SLC9A9: variants seen among roughly 807,000 people sequenced by gnomAD.
The protein encoded by SLC9A9 is sodium/hydrogen exchanger 9.
A neutral mutation model predicts 77.8 loss-of-function variants in SLC9A9; 62 were observed. That is an observed-to-expected ratio of 0.80 (90% CI 0.65 to 0.98). The LOEUF (loss-of-function observed/expected upper bound fraction) is 0.98, where lower values mean the gene tolerates loss of function less well. Among genes scored for constraint, SLC9A9 ranks in the 50% least tolerant of loss-of-function variants. The pLI is 0.00. For synonymous variants in SLC9A9, 320 were observed against 283.5 expected (o/e 1.13, Z -1.29); for missense variants, 775 against 774.9 (o/e 1.00, Z 0.00).
intron 14 of SLC9A9, among the ~76,000 whole-genome samples, chr3:143,278,161 A>G (rs571358560): frequency 6.6e-6 from 1 of 152,274 alleles, no homozygotes; most frequent in East Asian, 1.9e-4. Flanking sequence ...AAAGATAGGA[A>G]CCATTATGTC....
chr3:143,504,685 G>A (rs560484212), intron 9 of SLC9A9, among the ~76,000 whole-genome samples: 111 of 152,172 alleles, frequency 7.3e-4, no homozygotes, highest in African/African-American at 2.4e-3. Flanking sequence ...GACCTAAATT[G>A]TACTAAGAAA....
intron 6 of SLC9A9, among the ~76,000 whole-genome samples, chr3:143,589,511 A>C (rs1363974742): frequency 3.9e-5 from 6 of 152,208 alleles, no homozygotes; most frequent in Admixed American, 3.9e-4. Flanking sequence ...CTACAATATT[A>C]GTATAATAAC....
intron 14 of SLC9A9, among the ~76,000 whole-genome samples, chr3:143,275,350 G>A (rs543433088): frequency 6.6e-6 from 1 of 152,200 alleles, no homozygotes; most frequent in African/African-American, 2.4e-5. Flanking sequence ...CTTATCTAAT[G>A]TCGGTTGTTC....
At chr3:143,752,794 G>A (rs914432230) in intron 4 of SLC9A9, among the ~76,000 whole-genome samples, 4 of 152,026 alleles carry the variant, frequency 2.6e-5, no homozygotes, top group African/African-American at 7.3e-5. Context: ...ATAAAAATGG[G>A]AGATAAGCTT....
intron 12 of SLC9A9, among the ~76,000 whole-genome samples, chr3:143,432,053 T>C (rs2034527564): frequency 6.6e-6 from 1 of 152,156 alleles, no homozygotes; most frequent in Admixed American, 6.5e-5. Context: ...CTTCCTCTGC[T>C]CAATTTTTTT....
intron 14 of SLC9A9, among the ~76,000 whole-genome samples, chr3:143,317,932 T>C (rs1375392815): frequency 2.0e-5 from 3 of 152,148 alleles, no homozygotes; most frequent in Non-Finnish European, 4.4e-5. Flanking sequence ...TTTCACCGTG[T>C]TAGCCAGGAT....
At chr3:143,380,606 T>C (rs1364760713) in intron 13 of SLC9A9, among the ~76,000 whole-genome samples, 1 of 152,202 alleles carries the variant, frequency 6.6e-6, no homozygotes, top group Non-Finnish European at 1.5e-5. Context: ...CTTTCTAAGG[T>C]CACCAGGCTG....
intron 12 of SLC9A9, among the ~76,000 whole-genome samples, chr3:143,390,917 T>C (rs906703127): frequency 6.6e-6 from 1 of 152,210 alleles, no homozygotes; most frequent in Non-Finnish European, 1.5e-5. Flanking sequence ...GTGCCCACCA[T>C]TGCTGAGGCT....
chr3:143,734,421 C>A (rs1046809571), intron 4 of SLC9A9, among the ~76,000 whole-genome samples: 1 of 151,970 alleles, frequency 6.6e-6, no homozygotes, highest in African/African-American at 2.4e-5. Context: ...TTTTAAAAAT[C>A]TGGGTGGGGA....
At chr3:143,640,519 T>C (rs2038603750) in intron 6 of SLC9A9, among the ~76,000 whole-genome samples, 1 of 151,746 alleles carries the variant, frequency 6.6e-6, no homozygotes, top group Non-Finnish European at 1.5e-5. Context: ...TATGACTGAG[T>C]GATGATATAT....
chr3:143,579,265 C>T (rs1420186264), intron 6 of SLC9A9, among the ~76,000 whole-genome samples: 1 of 152,176 alleles, frequency 6.6e-6, no homozygotes, highest in Non-Finnish European at 1.5e-5. Context: ...CAGAACATCA[C>T]AGTACTAACC....
intron 12 of SLC9A9, among the ~76,000 whole-genome samples, chr3:143,430,170 AAG>A (rs1341221337): frequency 6.6e-6 from 1 of 152,164 alleles, no homozygotes; most frequent in Non-Finnish European, 1.5e-5. Flanking sequence ...CAGATTTGGA[AAG>A]AGGGTGAAGA....
intron 4 of SLC9A9, among the ~76,000 whole-genome samples, chr3:143,703,625 CA>C (rs1672824439): frequency 6.6e-6 from 1 of 151,902 alleles, no homozygotes; most frequent in African/African-American, 2.4e-5. Flanking sequence ...AAAAAAACTT[CA>C]AATAAACAAC....
chr3:143,532,485 T>C (rs1248201459), intron 9 of SLC9A9, among the ~76,000 whole-genome samples: 1 of 152,226 alleles, frequency 6.6e-6, no homozygotes, highest in Non-Finnish European at 1.5e-5. Flanking sequence ...GGATATATAC[T>C]TCTAAAAAGA....
chr3:143,412,513 A>G (rs1315733848), intron 12 of SLC9A9, among the ~76,000 whole-genome samples: 3 of 148,394 alleles, frequency 2.0e-5, no homozygotes, highest in Non-Finnish European at 3.0e-5. Context: ...CATCATGCCA[A>G]GCTCCTCACA....
At chr3:143,307,234 T>C (rs1309257411) in intron 14 of SLC9A9, among the ~76,000 whole-genome samples, 2 of 152,256 alleles carry the variant, frequency 1.3e-5, no homozygotes, top group African/African-American at 2.4e-5. Context: ...GAAACTGGCA[T>C]ATGCTACAAA....
At chr3:143,803,764 T>A (rs1216524498) in intron 2 of SLC9A9, among the ~76,000 whole-genome samples, 1 of 152,154 alleles carries the variant, frequency 6.6e-6, no homozygotes, top group African/African-American at 2.4e-5. Flanking sequence ...AATTGCTGGC[T>A]TTGCATTTCC....
At chr3:143,555,929 A>G (rs1471292712) in intron 8 of SLC9A9, among the ~76,000 whole-genome samples, 2 of 152,242 alleles carry the variant, frequency 1.3e-5, no homozygotes, top group Non-Finnish European at 2.9e-5. Flanking sequence ...AACAAAATTG[A>G]TCTGACCCTT....
At position 143,570,362 on chromosome 3, in the gene SLC9A9, G is replaced by A. The variant is rs887053854; in HGVS notation, c.1000+3726C>T. Among the ~76,000 whole-genome samples, 5 of 152,134 alleles carry A rather than the reference G, an allele frequency of 3.3e-5. No individual in the cohort carries two copies. In the South Asian group the frequency reaches 6.2e-4, roughly 19 times the overall value. On this transcript the variant is annotated intron_variant, in intron 8 of 15. Coordinates refer to ENST00000316549, the MANE Select transcript of SLC9A9 (RefSeq NM_173653.4). The stretch of plus-strand genomic sequence containing the variant: ...TAATAAGATTTGGGGTGGTGAAGAC[G>A]TGAGTGAATGAGCTTGCTTTCAGAT...
Sources: gnomAD v4.1 joint callset for allele counts (sites outside exome capture counted in the v4.1 genomes callset) on GRCh38, gnomAD v4.1.1 for gene constraint, MANE v1.5 for transcripts, NCBI Gene and HGNC (gene_info 2026-07-23, HGNC 2026-07-21) for gene names.